Variants in LINGO2 observed in about 807,000 individuals in gnomAD.
LINGO2 encodes the protein leucine-rich repeat and immunoglobulin-like domain-containing nogo receptor-interacting protein 2.
Under a neutral mutation model 30.6 loss-of-function variants are expected in LINGO2, and 14 were observed. That is an observed-to-expected ratio of 0.46 (90% CI 0.30 to 0.72). The LOEUF (loss-of-function observed/expected upper bound fraction) is 0.72. Ranked by LOEUF, LINGO2 falls within the 30% of genes least tolerant of loss-of-function variation. LINGO2 has a pLI of 0.07. For missense variants in LINGO2, 729 were observed against 751.7 expected, an observed-to-expected ratio of 0.97 and a Z score of 0.35; for synonymous variants, 317 against 288.5, an observed-to-expected ratio of 1.10 and a Z score of -1.00.
At chr9:29,108,152 G>A in the LINGO2 span, among the ~76,000 whole-genome samples, 11 of 152,218 alleles carry the variant, frequency 7.2e-5, no homozygotes, top group Middle Eastern at 3.4e-3. Context: ...GCCACACAGC[G>A]TCAGCCATTC....
intron 4 of LINGO2, among the ~76,000 whole-genome samples, chr9:28,090,563 C>T (rs61156524): frequency 0.012 from 1,836 of 152,156 alleles, 31 homozygotes; most frequent in African/African-American, 0.038. Flanking sequence ...TGGGACGTAT[C>T]ACAAAATAAT....
At position 28,031,962 on chromosome 9, in the gene LINGO2, A is replaced by G. The variant is rs1386801148; in HGVS notation, c.-86-19557T>C. The stretch of plus-strand genomic sequence containing the variant: ...GTGTGCCAGGCAGGCAGTACCTATT[A>G]AAAGTTGTTTGGAGATTAGGGCTCA... On this transcript the variant is annotated intron_variant, in intron 4 of 5. Coordinates refer to ENST00000379992, the Ensembl canonical transcript of LINGO2. 2.0e-5 allele frequency among the ~76,000 whole-genome samples: 3 copies of G among 151,220 alleles called. No homozygotes were observed. In the Admixed American group the frequency reaches 2.0e-4, roughly 10 times the overall value.
the LINGO2 span, among the ~76,000 whole-genome samples, chr9:28,858,755 A>G: frequency 1.3e-5 from 2 of 152,062 alleles, no homozygotes; most frequent in Admixed American, 6.6e-5. Context: ...TTCATGATAA[A>G]CCCCAGATAA....
chr9:28,224,864 C>A (rs1564057301), intron 4 of LINGO2, among the ~76,000 whole-genome samples: 1 of 152,110 alleles, frequency 6.6e-6, no homozygotes, highest in East Asian at 1.9e-4. Context: ...ACCACACTAC[C>A]GGAATCGAAA....
chr9:28,936,956 CA>C, the LINGO2 span, among the ~76,000 whole-genome samples: 28 of 152,316 alleles, frequency 1.8e-4, 1 homozygote, highest in African/African-American at 6.5e-4. Context: ...TGTATCCTCA[CA>C]TGGCTTTTTC....
intron 2 of LINGO2, among the ~76,000 whole-genome samples, chr9:28,393,944 A>G (rs1312407500): frequency 6.6e-6 from 1 of 152,218 alleles, no homozygotes; most frequent in African/African-American, 2.4e-5. Flanking sequence ...GTTCCCCAGC[A>G]GGATTCAATC....
At chr9:28,488,292 T>C (rs1428419150) in intron 1 of LINGO2, among the ~76,000 whole-genome samples, 1 of 152,204 alleles carries the variant, frequency 6.6e-6, no homozygotes, top group Non-Finnish European at 1.5e-5. Flanking sequence ...CTTTAAGAGA[T>C]GTAATGATAT....
At chr9:28,288,912 C>T (rs1271207491) in intron 4 of LINGO2, among the ~76,000 whole-genome samples, 1 of 152,100 alleles carries the variant, frequency 6.6e-6, no homozygotes, top group East Asian at 1.9e-4. Context: ...ATGGGGCATA[C>T]TATTATCAGG....
At chr9:29,209,198 A>C in the LINGO2 span, among the ~76,000 whole-genome samples, 1 of 152,216 alleles carries the variant, frequency 6.6e-6, no homozygotes, top group South Asian at 2.1e-4. Flanking sequence ...TAGGCTGTCC[A>C]CCTATGTCAA....
intron 2 of LINGO2, among the ~76,000 whole-genome samples, chr9:28,470,529 A>G (rs1194582483): frequency 1.3e-5 from 2 of 152,192 alleles, no homozygotes; most frequent in African/African-American, 4.8e-5. Flanking sequence ...CCCTCTGTCA[A>G]GATCATGCTG....
the LINGO2 span, among the ~76,000 whole-genome samples, chr9:28,769,342 T>G: frequency 6.7e-6 from 1 of 149,874 alleles, no homozygotes; most frequent in Non-Finnish European, 1.5e-5. Flanking sequence ...AATTCCTGCA[T>G]GTTAACAAAT....
the LINGO2 span, among the ~76,000 whole-genome samples, chr9:28,971,052 C>T: frequency 6.6e-6 from 1 of 152,100 alleles, no homozygotes; most frequent in South Asian, 2.1e-4. Flanking sequence ...TCAGCCACAG[C>T]AGGATACAGA....
chr9:29,109,322 A>G, the LINGO2 span, among the ~76,000 whole-genome samples: 1 of 152,174 alleles, frequency 6.6e-6, no homozygotes, highest in Non-Finnish European at 1.5e-5. Flanking sequence ...AAAATACTTT[A>G]TGTTAAATCT....
At chr9:28,864,583 T>G in the LINGO2 span, among the ~76,000 whole-genome samples, 1 of 152,052 alleles carries the variant, frequency 6.6e-6, no homozygotes, top group African/African-American at 2.4e-5. Flanking sequence ...TTTTGAAAAT[T>G]TCAACATTTT....
intron 1 of LINGO2, among the ~76,000 whole-genome samples, chr9:28,532,411 T>A (rs1473127115): frequency 6.6e-6 from 1 of 152,170 alleles, no homozygotes; most frequent in East Asian, 1.9e-4. Context: ...TTCACATGAT[T>A]TGTCCTCAGA....
intron 4 of LINGO2, among the ~76,000 whole-genome samples, chr9:28,262,273 T>A: frequency 6.6e-6 from 1 of 151,124 alleles, no homozygotes; most frequent in East Asian, 1.9e-4. Flanking sequence ...AATATTACTT[T>A]TTTTTTTGTC....
intron 2 of LINGO2, among the ~76,000 whole-genome samples, chr9:28,463,420 A>C (rs1825164139): frequency 6.6e-6 from 1 of 152,088 alleles, no homozygotes; most frequent in Non-Finnish European, 1.5e-5. Flanking sequence ...GGGATGAAGA[A>C]AAATGAGAAA....
chr9:29,049,324 G>A, the LINGO2 span, among the ~76,000 whole-genome samples: 3 of 152,136 alleles, frequency 2.0e-5, no homozygotes, highest in East Asian at 1.9e-4. Flanking sequence ...AGCAAATGCT[G>A]GGGAGGAAGT....
intron 4 of LINGO2, among the ~76,000 whole-genome samples, chr9:28,166,402 G>C (rs7031006): frequency 0.012 from 1,882 of 152,256 alleles, 44 homozygotes; most frequent in African/African-American, 0.043. Context: ...GGATGCATTT[G>C]TTATGGTTAA....
Sources: gnomAD v4.1 joint callset for allele counts (sites outside exome capture counted in the v4.1 genomes callset) on GRCh38, gnomAD v4.1.1 for gene constraint, MANE v1.5 for transcripts, NCBI Gene and HGNC (gene_info 2026-07-23, HGNC 2026-07-21) for gene names.